SGMS1: variants seen among roughly 807,000 people sequenced by gnomAD.
SGMS1 encodes phosphatidylcholine:ceramide cholinephosphotransferase 1.
Under a neutral mutation model 46.2 loss-of-function variants are expected in SGMS1, and 13 were observed. The ratio of observed to expected loss-of-function variants is 0.28; its 90% confidence interval spans 0.18 to 0.45. SGMS1 has a LOEUF of 0.45. SGMS1 is among the 20% of genes least tolerant of loss of function. The probability of loss-of-function intolerance (pLI) is 1.00; values close to 1 mark genes in which losing one functional copy is unlikely to be tolerated. For synonymous variants in SGMS1, 203 were observed against 187.8 expected, an observed-to-expected ratio of 1.08 and a Z score of -0.66; for missense variants, 324 against 519.9, an observed-to-expected ratio of 0.62 and a Z score of 3.66.
At position 50,530,582 on chromosome 10, in the gene SGMS1, C is replaced by T. The variant is rs140229056; in HGVS notation, c.-588-10661G>A. Among the ~76,000 whole-genome samples, 1,226 of 152,158 alleles carry T rather than the reference C, an allele frequency of 8.1e-3. 6 individuals carry two copies. Among genetic ancestry groups the T allele is most frequent in the Non-Finnish European group, 0.012 (788 of 68,016 alleles). Reference sequence around the variant, plus strand: ...CACTGTAGACTTGAATTCCTGGGCTCCAAGCGATCCTCCCGCCTCAGCCTC... The same window carrying T: ...CACTGTAGACTTGAATTCCTGGGCTTCAAGCGATCCTCCCGCCTCAGCCTC... On this transcript the variant is annotated intron_variant, in intron 2 of 10. Coordinates refer to ENST00000361781, the MANE Select transcript of SGMS1 (RefSeq NM_147156.4).
intron 2 of SGMS1, among the ~76,000 whole-genome samples, chr10:50,584,354 C>G (rs1297354356): frequency 2.0e-5 from 3 of 151,976 alleles, no homozygotes; most frequent in Non-Finnish European, 4.4e-5. Flanking sequence ...AAAAAATTAG[C>G]CAGGCATGGT....
intron 1 of SGMS1, among the ~76,000 whole-genome samples, chr10:50,603,533 A>T (rs1435249582): frequency 3.3e-5 from 5 of 152,250 alleles, no homozygotes; most frequent in African/African-American, 1.2e-4. Flanking sequence ...TAAATTTAAA[A>T]AACACACACA....
intron 6 of SGMS1, among the ~76,000 whole-genome samples, chr10:50,431,328 C>T (rs1425351881): frequency 1.3e-5 from 2 of 152,114 alleles, no homozygotes; most frequent in African/African-American, 2.4e-5. Flanking sequence ...GAATGTTTTA[C>T]AATTATGTAA....
chr10:50,388,961 T>C (rs765338015), intron 6 of SGMS1, among the ~76,000 whole-genome samples: 1 of 152,172 alleles, frequency 6.6e-6, no homozygotes, highest in Non-Finnish European at 1.5e-5. Flanking sequence ...AATCATACTG[T>C]ATATGGGATT....
chr10:50,553,534 C>T (rs1838166627), intron 2 of SGMS1, among the ~76,000 whole-genome samples: 1 of 152,150 alleles, frequency 6.6e-6, no homozygotes, highest in African/African-American at 2.4e-5. Context: ...CAAGCTACAT[C>T]TCATCATATT....
Position 50,311,381 on chromosome 10 carries a change from A to T in SGMS1, c.776T>A (p.Ile259Lys). 6.2e-7 allele frequency: 1 copy of T among 1,614,058 alleles called. No homozygotes were observed. The highest frequency in any genetic ancestry group is 8.5e-7 in the Non-Finnish European group (1 of 1,179,934). The change falls in exon 9 of 11, where the codon ATA becomes AAA. Residue 259 changes from isoleucine (I) to lysine (K), a missense_variant. By Grantham distance (102) the Ile-to-Lys change is moderately radical. Coordinates refer to ENST00000361781, the MANE Select transcript of SGMS1 (RefSeq NM_147156.4). The stretch of plus-strand genomic sequence containing the variant: ...GCCACCTCCAGCAATGAGCTTCATT[A>T]TTCTTCGCAGTTGGGCTTCCCAGTC... ...FGDWEAQLRR[I>K]MKLIAGGGLS...
chr10:50,486,254 G>A (rs1837520372), intron 3 of SGMS1, among the ~76,000 whole-genome samples: 1 of 152,154 alleles, frequency 6.6e-6, no homozygotes, highest in Non-Finnish European at 1.5e-5. Context: ...ATAGGTTCAA[G>A]CAAAGATTTC....
intron 8 of SGMS1, among the ~76,000 whole-genome samples, chr10:50,324,209 G>C (rs753573921): frequency 1.3e-5 from 2 of 152,212 alleles, no homozygotes; most frequent in African/African-American, 2.4e-5. Context: ...CATTTAGGGA[G>C]GGAACTGAGG....
intron 2 of SGMS1, among the ~76,000 whole-genome samples, chr10:50,556,914 CAGAAG>C (rs767293188): frequency 4.3e-4 from 66 of 152,288 alleles, no homozygotes; most frequent in South Asian, 2.7e-3. Context: ...CAGGAGTGTG[CAGAAG>C]AGAAGAGCCC....
intron 1 of SGMS1, among the ~76,000 whole-genome samples, chr10:50,617,203 T>C (rs1196599546): frequency 6.6e-6 from 1 of 152,236 alleles, no homozygotes; most frequent in Non-Finnish European, 1.5e-5. Flanking sequence ...ATGTACTTGA[T>C]GCCACTGAAT....
chr10:50,468,381 G>GAA (rs1256222586), intron 3 of SGMS1, among the ~76,000 whole-genome samples: 2 of 152,184 alleles, frequency 1.3e-5, no homozygotes, highest in African/African-American at 4.8e-5. Context: ...TCATTTAAAG[G>GAA]AAAAGAATCA....
At chr10:50,470,232 A>G (rs1837366813) in intron 3 of SGMS1, among the ~76,000 whole-genome samples, 1 of 152,148 alleles carries the variant, frequency 6.6e-6, no homozygotes, top group Admixed American at 6.5e-5. Flanking sequence ...TTAAAACTGC[A>G]TTTTATTAGA....
At chr10:50,314,934 A>C (rs1215543260) in intron 8 of SGMS1, among the ~76,000 whole-genome samples, 1 of 152,158 alleles carries the variant, frequency 6.6e-6, no homozygotes, top group African/African-American at 2.4e-5. Flanking sequence ...AAAAGAAAGC[A>C]AAAAACTGGA....
At chr10:50,454,140 G>A (rs1372322204) in intron 5 of SGMS1, among the ~76,000 whole-genome samples, 1 of 151,598 alleles carries the variant, frequency 6.6e-6, no homozygotes, top group African/African-American at 2.4e-5. Flanking sequence ...GGAATAGAGA[G>A]TCTGGGTAGA....
rs569473872 is a variant in SGMS1, at chr10:50,470,324, C to T, written c.-497-3392G>A. Among the ~76,000 whole-genome samples, 7 of 152,212 alleles carry T rather than the reference C, an allele frequency of 4.6e-5. No homozygotes were observed. The South Asian group carries it at 1.5e-3, about 32-fold the overall frequency. On this transcript the variant is annotated intron_variant, in intron 3 of 10. Transcript: ENST00000361781. ...AATTAGAGCCTGGCTTAAGAGAATACAAAATCTAAAGTAGAAAGTTTGTGT... is the reference window on the plus strand; with the variant it reads ...AATTAGAGCCTGGCTTAAGAGAATATAAAATCTAAAGTAGAAAGTTTGTGT...
chr10:50,553,583 A>C (rs576300141), intron 2 of SGMS1, among the ~76,000 whole-genome samples: 1 of 152,246 alleles, frequency 6.6e-6, no homozygotes, highest in African/African-American at 2.4e-5. Context: ...ATCTTTACCC[A>C]ATTTCTAGCT....
intron 7 of SGMS1, chr10:50,328,186 G>A: frequency 7.3e-6 from 2 of 274,036 alleles, no homozygotes; most frequent in South Asian, 6.5e-5. Flanking sequence ...TTCCATGTAA[G>A]TTTGTTCAAC....
intron 3 of SGMS1, among the ~76,000 whole-genome samples, chr10:50,496,660 C>G (rs1053814912): frequency 1.6e-4 from 24 of 152,168 alleles, no homozygotes; most frequent in African/African-American, 5.6e-4. Context: ...CAACCCTAGG[C>G]CTTCCTATAT....
chr10:50,580,457 G>A (rs1185801422), intron 2 of SGMS1, among the ~76,000 whole-genome samples: 2 of 147,354 alleles, frequency 1.4e-5, no homozygotes, highest in African/African-American at 2.5e-5. Flanking sequence ...CTCACTTATA[G>A]AGACAAGGGA....
Sources: allele counts gnomAD v4.1 joint callset (sites outside exome capture counted in the v4.1 genomes callset), GRCh38; gene constraint gnomAD v4.1.1; transcripts MANE v1.5; gene names NCBI Gene and HGNC (gene_info 2026-07-23, HGNC 2026-07-21).